DBN1: variants seen among roughly 807,000 people sequenced by gnomAD.
The protein encoded by DBN1 is drebrin 1.
In DBN1, 21 loss-of-function variants were observed where a neutral mutation model predicts 83.5. That is an observed-to-expected ratio of 0.25 (90% CI 0.18 to 0.36). The LOEUF is 0.36. DBN1 is among the 10% of genes least tolerant of loss of function. The pLI is 1.00. For missense variants in DBN1, 874 were observed against 935.7 expected, an observed-to-expected ratio of 0.93 and a Z score of 0.86; for synonymous variants, 381 against 384.9, an observed-to-expected ratio of 0.99 and a Z score of 0.12.
chr5:177,464,614 T>C (rs1234987248), intron 8 of DBN1, among the ~76,000 whole-genome samples: 2 of 127,998 alleles, frequency 1.6e-5, no homozygotes, highest in Non-Finnish European at 3.3e-5. Flanking sequence ...AATAAATAAA[T>C]AAATAAATAA....
chr5:177,459,467 G>T, intron 11 of DBN1, 136 bp downstream of exon 11: 1 of 1,341,978 alleles, frequency 7.5e-7, no homozygotes, highest in Non-Finnish European at 9.9e-7. Flanking sequence ...TAAGGCCAGG[G>T]GCAAGAGGCA....
chr5:177,460,366 T>C (rs1756930228), intron 10 of DBN1, 66 bp downstream of exon 10: 1 of 1,608,774 alleles, frequency 6.2e-7, no homozygotes, highest in African/African-American at 1.3e-5. Flanking sequence ...TCTGAGAGAG[T>C]CCCAGAGAGG....
intron 11 of DBN1, 131 bp downstream of exon 11, chr5:177,459,472 G>A (rs541340235): frequency 2.3e-6 from 3 of 1,328,012 alleles, no homozygotes; most frequent in South Asian, 3.2e-5. Context: ...CCAGGGGCAA[G>A]AGGCAGGCAG....
At chr5:177,460,772 GTA>G in intron 8 of DBN1, 69 bp from the exon 9 acceptor site, 1 of 1,483,102 alleles carries the variant, frequency 6.7e-7, no homozygotes, top group East Asian at 2.3e-5. Context: ...CTTTTTTACT[GTA>G]TTTTATTTAT....
At chr5:177,472,646 G>T in intron 1 of DBN1, 1 of 461,220 alleles carries the variant, frequency 2.2e-6, no homozygotes, top group Non-Finnish European at 3.1e-6. Flanking sequence ...GTCTTTGGGG[G>T]CTCCCTCCAC....
chr5:177,457,545 C>T (rs1444274981), intron 14 of DBN1, 42 bp from the exon 15 acceptor site: 2 of 1,587,898 alleles, frequency 1.3e-6, no homozygotes, highest in Non-Finnish European at 1.7e-6. Context: ...ACCTAGCAGA[C>T]CGCTTGTGTC....
chr5:177,467,560 A>C lies in DBN1; in HGVS notation c.398T>G (p.Leu133Arg). The C allele has an allele frequency of 6.4e-7, 1 of 1,565,158 alleles. No homozygotes were observed. The highest frequency in any genetic ancestry group is 2.4e-5 in the East Asian group (1 of 41,872). The change falls in exon 5 of 15, where the codon CTC becomes CGC. Residue 133 changes from leucine to arginine, a missense_variant. Physicochemically the swap from Leu to Arg is moderately radical, Grantham distance 102 (BLOSUM62 -2). Transcript: ENST00000393565. This position sits in a 1 kb window ranked among gnomAD's most constrained non-coding sequence, Gnocchi z 9.1. ...GGAGAGTCGCGCCAGCCCGTTAGAG[A>C]GCCGCTGCCCGATGGCACCCGCGTC... ...DIDAGAIGQR[L>R]SNGLARLSSP...
chr5:177,463,199 G>C (rs1239346259), intron 8 of DBN1, among the ~76,000 whole-genome samples: 3 of 152,180 alleles, frequency 2.0e-5, no homozygotes, highest in Non-Finnish European at 4.4e-5. Flanking sequence ...ACCACGCTCG[G>C]CTAATTTCTT....
At position 177,457,700 on chromosome 5, in the gene DBN1, G is replaced by A; in HGVS notation, c.1972C>T (p.Leu658Phe). 6.2e-7 allele frequency: 1 copy of A among 1,612,396 alleles called. No individual in the cohort carries two copies. The highest frequency in any genetic ancestry group is 2.2e-5 in the East Asian group (1 of 44,864). ...ACAGGAGGCGGAGCCTTGGCACAGA[G>A]CTCTTCCGATTGGGCAAACTCCTCC... ...QEEEFAQSEELCAKAPPPVFY... is the reference protein window; with the variant it reads ...QEEEFAQSEEFCAKAPPPVFY... The change falls in exon 14 of 15, where the codon CTC becomes TTC. Residue 658 changes from leucine to phenylalanine, a missense_variant. Physicochemically the swap from Leu to Phe is conservative, Grantham distance 22. This residue lies in a region of DBN1 where 725 missense variants were observed against 719.7 expected (regional missense o/e 1.01). Transcript: ENST00000393565.
In DBN1 at chr5:177,459,297, G is replaced by A. The variant is rs750318364; in HGVS notation, c.1094-29C>T. On this transcript the variant is annotated intron_variant, in intron 11 of 14. Coordinates refer to ENST00000393565, the MANE Select transcript of DBN1 (RefSeq NM_001363541.2). ...TGGAACAAACCCCAGGTGGGTCAGT[G>A]AGGGCGGGGGAGCCGGGTGAGACAG... The A allele has an allele frequency of 6.3e-6, 10 of 1,593,472 alleles. No individual in the cohort carries two copies. In the South Asian group the frequency reaches 1.1e-4, roughly 18 times the overall value.
chr5:177,472,714 G>T, intron 1 of DBN1: 2 of 887,240 alleles, frequency 2.3e-6, no homozygotes, highest in Non-Finnish European at 2.7e-6. Flanking sequence ...AGGCAGCTCG[G>T]TGCCCCCCAG....
intron 1 of DBN1, chr5:177,472,473 C>T: frequency 8.1e-7 from 1 of 1,236,984 alleles, no homozygotes; most frequent in South Asian, 1.9e-5. Context: ...TTCCTTTTTC[C>T]ACCACCCTGG....
intron 12 of DBN1, 152 bp from the exon 13 acceptor site, chr5:177,458,859 T>C (rs1756778186): frequency 1.8e-6 from 2 of 1,124,594 alleles, no homozygotes; most frequent in South Asian, 3.4e-5. Context: ...TTTAAGCCCC[T>C]TGGCAGCTCC....
intron 10 of DBN1, among the ~76,000 whole-genome samples, chr5:177,460,093 C>A (rs1756904862): frequency 6.6e-6 from 1 of 152,208 alleles, no homozygotes; most frequent in South Asian, 2.1e-4. Flanking sequence ...AGGCCCGGGG[C>A]AAGAGCCCAG....
rs565728815 is a variant in DBN1 at position 177,469,260 on chromosome 5, C to T, written c.87-361G>A. Reference sequence around the variant, plus strand: ...GTTCCCTGGCTACCAGGATCCTCATCCCCCATTGGCTAGTGCCAGGAACTT... The same window carrying T: ...GTTCCCTGGCTACCAGGATCCTCATTCCCCATTGGCTAGTGCCAGGAACTT... On this transcript the variant is annotated intron_variant, in intron 1 of 14. Coordinates refer to ENST00000393565, the MANE Select transcript of DBN1 (RefSeq NM_001363541.2). Among the ~76,000 whole-genome samples the T allele has an allele frequency of 9.2e-5, 14 of 152,198 alleles. No homozygotes were observed. In the East Asian group the frequency reaches 2.5e-3, roughly 27 times the overall value.
chr5:177,471,597 G>C (rs1757845833), intron 1 of DBN1, among the ~76,000 whole-genome samples: 1 of 152,270 alleles, frequency 6.6e-6, no homozygotes, highest in Admixed American at 6.5e-5. Context: ...CTGGGCCCTG[G>C]GGTATTCATA....
In DBN1 at chr5:177,457,794, A is replaced by G. The variant is rs760845911; in HGVS notation, c.1915-37T>C. 12 of 1,369,260 alleles carry G rather than the reference A, an allele frequency of 8.8e-6. No individual in the cohort carries two copies. In the Middle Eastern group the frequency reaches 5.4e-4, roughly 62 times the overall value. The allele number at this position is 1,369,260 out of a possible 1,614,324, so 84.8% of individuals were successfully genotyped here. A position where few individuals can be genotyped will look rare whatever the true frequency, so the allele number is the denominator to read the frequency against. ...AGCATCAGGTCACTTGGCCCCACCCAGCAGGACTGGGGCTGACCTATCAGG... is the reference window on the plus strand; with the variant it reads ...AGCATCAGGTCACTTGGCCCCACCCGGCAGGACTGGGGCTGACCTATCAGG... On this transcript the variant is annotated intron_variant, in intron 13 of 14. Transcript: ENST00000393565.
At chr5:177,461,198 A>G in intron 8 of DBN1, among the ~76,000 whole-genome samples, 1 of 137,982 alleles carries the variant, frequency 7.2e-6, no homozygotes. Flanking sequence ...TCCCGGGTTC[A>G]CGCCATTCTC....
intron 1 of DBN1, among the ~76,000 whole-genome samples, chr5:177,471,414 C>T (rs552126013): frequency 1.3e-5 from 2 of 152,114 alleles, no homozygotes; most frequent in African/African-American, 2.4e-5. Context: ...AGTAGTGGTG[C>T]ACTTCAGAGG....
Sources: gnomAD v4.1 joint callset for allele counts (sites outside exome capture counted in the v4.1 genomes callset) on GRCh38, gnomAD v4.1.1 for gene constraint, gnomAD v4.1.1 regional missense constraint, Gnocchi (gnomAD v3.1) non-coding constraint, MANE v1.5 for transcripts, NCBI Gene and HGNC (gene_info 2026-07-23, HGNC 2026-07-21) for gene names.